Variants in EVA1C observed in about 807,000 individuals in gnomAD.
The protein encoded by EVA1C is protein eva-1 homolog C.
EVA1C carries 25 observed loss-of-function variants against 45.4 expected under a neutral mutation model. The ratio of observed to expected loss-of-function variants is 0.55; its 90% CI spans 0.40 to 0.77. The LOEUF is 0.77. Among genes scored for constraint, EVA1C ranks in the 30% least tolerant of loss-of-function variants. The probability of loss-of-function intolerance (pLI) is 0.00; values close to 1 mark genes in which losing one functional copy is unlikely to be tolerated. For missense variants in EVA1C, 479 were observed against 554.8 expected (o/e 0.86, Z 1.37); for synonymous variants, 190 against 221.2 (o/e 0.86, Z 1.25).
At chr21:32,437,363 C>G (rs1330550329) in intron 1 of EVA1C, among the ~76,000 whole-genome samples, 3 of 152,110 alleles carry the variant, frequency 2.0e-5, no homozygotes, top group Non-Finnish European at 4.4e-5. Context: ...CAGTTGGCAC[C>G]TTCCTCATTT....
chr21:32,507,559 T>G lies in EVA1C; in HGVS notation c.949+3544T>G, dbSNP rs538639057. On this transcript the variant is annotated intron_variant, in intron 7 of 7. Coordinates refer to ENST00000300255, the MANE Select transcript of EVA1C (RefSeq NM_058187.5). ...ATGTGTGCGTCTGTATGTATGCGTG[T>G]TTTTGTGTGTGCATGTGTATATGTG... 2.0e-5 allele frequency among the ~76,000 whole-genome samples: 3 copies of G among 151,852 alleles called. No individual in the cohort carries two copies. The East Asian group carries it at 5.8e-4, about 29-fold the overall frequency.
At chr21:32,484,607 CCCGGGG>C (rs1225239428) in intron 4 of EVA1C, among the ~76,000 whole-genome samples, 2 of 152,124 alleles carry the variant, frequency 1.3e-5, no homozygotes, top group Non-Finnish European at 2.9e-5. Flanking sequence ...ACATGTGTCA[CCCGGGG>C]TTCTGTCAAC....
intron 7 of EVA1C, among the ~76,000 whole-genome samples, chr21:32,511,419 C>CAAAAAAAAAAA (rs749141703): frequency 2.1e-5 from 1 of 47,586 alleles, no homozygotes; most frequent in Non-Finnish European, 3.8e-5. Context: ...AACTCCGTCT[C>CAAAAAAAAAAA]AAAAAAAAAA....
chr21:32,429,122 T>TA (rs2034601494), intron 1 of EVA1C, among the ~76,000 whole-genome samples: 1 of 152,132 alleles, frequency 6.6e-6, no homozygotes, highest in Non-Finnish European at 1.5e-5. Flanking sequence ...CTCCCGGGTT[T>TA]AAGTGATTCT....
At chr21:32,472,751 C>T (rs1423584213) in intron 4 of EVA1C, among the ~76,000 whole-genome samples, 2 of 152,198 alleles carry the variant, frequency 1.3e-5, no homozygotes, top group African/African-American at 4.8e-5. Context: ...GCAGTGTTAA[C>T]GCCCTCAGAA....
chr21:32,450,535 C>T (rs952928974), intron 1 of EVA1C, among the ~76,000 whole-genome samples: 3 of 151,798 alleles, frequency 2.0e-5, no homozygotes, highest in African/African-American at 7.3e-5. Context: ...GGGTGATGGA[C>T]AAGAAGGTTT....
intron 7 of EVA1C, among the ~76,000 whole-genome samples, chr21:32,508,152 T>C (rs944341576): frequency 6.6e-6 from 1 of 152,230 alleles, no homozygotes; most frequent in African/African-American, 2.4e-5. Flanking sequence ...CTTACGTATT[T>C]AGACAGTCTT....
chr21:32,451,419 C>T (rs7276540), intron 1 of EVA1C, among the ~76,000 whole-genome samples: 24,384 of 152,020 alleles, frequency 0.16, 2,231 homozygotes, highest in Admixed American at 0.23. Flanking sequence ...TCCTCCTTGC[C>T]GAGAAATAGT....
At chr21:32,483,946 A>G (rs2036880731) in intron 4 of EVA1C, among the ~76,000 whole-genome samples, 1 of 148,066 alleles carries the variant, frequency 6.8e-6, no homozygotes, top group South Asian at 2.2e-4. Flanking sequence ...TTTTATGATA[A>G]TGTTCCTCAC....
At chr21:32,431,430 C>A (rs1380535514) in intron 1 of EVA1C, among the ~76,000 whole-genome samples, 1 of 152,190 alleles carries the variant, frequency 6.6e-6, no homozygotes, top group Non-Finnish European at 1.5e-5. Flanking sequence ...GCTAAGCTGG[C>A]TGCTTATTAT....
chr21:32,457,729 C>G lies in EVA1C; in HGVS notation c.481+9C>G, dbSNP rs1274753533. 1.5e-5 allele frequency: 25 copies of G among 1,614,110 alleles called. No homozygotes were observed. The highest frequency in any genetic ancestry group is 2.1e-5 in the Non-Finnish European group (25 of 1,180,002). ...CTTTAAATGCCAACCTAGTAAGTAACTTCGGAGGGGGACAGTGTGTTTGGG... is the reference window on the plus strand; with the variant it reads ...CTTTAAATGCCAACCTAGTAAGTAAGTTCGGAGGGGGACAGTGTGTTTGGG... On this transcript the variant is annotated intron_variant, in intron 3 of 7. Transcript: ENST00000300255.
intron 4 of EVA1C, among the ~76,000 whole-genome samples, chr21:32,488,631 G>T (rs532027393): frequency 6.6e-6 from 1 of 151,278 alleles, no homozygotes; most frequent in Non-Finnish European, 1.5e-5. Context: ...TGTTGCCCAG[G>T]CTGGAGTGCA....
intron 4 of EVA1C, among the ~76,000 whole-genome samples, chr21:32,468,408 C>CA (rs901672578): frequency 6.7e-6 from 1 of 149,214 alleles, no homozygotes; most frequent in Non-Finnish European, 1.5e-5. Context: ...ACAAAACAAA[C>CA]AAAAAAACAA....
chr21:32,430,461 C>T (rs75478307), intron 1 of EVA1C, among the ~76,000 whole-genome samples: 4 of 152,002 alleles, frequency 2.6e-5, no homozygotes, highest in Admixed American at 6.6e-5. Context: ...TTTTGGGGTC[C>T]GGGGATGTAA....
intron 6 of EVA1C, 50 bp downstream of exon 6, chr21:32,501,545 A>C (rs758237223): frequency 3.2e-6 from 5 of 1,585,762 alleles, no homozygotes; most frequent in Non-Finnish European, 2.6e-6. Context: ...AAAGGTAAAC[A>C]GCCCCTGGGT....
chr21:32,487,207 G>C (rs968605576), intron 4 of EVA1C, among the ~76,000 whole-genome samples: 1 of 152,090 alleles, frequency 6.6e-6, no homozygotes, highest in South Asian at 2.1e-4. Context: ...ATGATGGGGG[G>C]CTGGTTGTCA....
chr21:32,461,618 CAT>C (rs2035999751), intron 3 of EVA1C, among the ~76,000 whole-genome samples: 1 of 152,230 alleles, frequency 6.6e-6, no homozygotes, highest in Non-Finnish European at 1.5e-5. Flanking sequence ...CAGTTATGCA[CAT>C]GTCTTACCAG....
chr21:32,484,403 GC>G (rs2036899686), intron 4 of EVA1C, among the ~76,000 whole-genome samples: 1 of 152,172 alleles, frequency 6.6e-6, no homozygotes, highest in African/African-American at 2.4e-5. Context: ...AATTAGCCAG[GC>G]GCAGTGGCGT....
chr21:32,431,538 G>A (rs1027945365), intron 1 of EVA1C, among the ~76,000 whole-genome samples: 1 of 152,224 alleles, frequency 6.6e-6, no homozygotes, highest in Non-Finnish European at 1.5e-5. Context: ...CTGGGTTGGG[G>A]CCTGGGCACT....
Sources: allele counts gnomAD v4.1 joint callset (sites outside exome capture counted in the v4.1 genomes callset), GRCh38; gene constraint gnomAD v4.1.1; transcripts MANE v1.5; gene names NCBI Gene and HGNC (gene_info 2026-07-23, HGNC 2026-07-21).